The following TMEM164 variants were observed in gnomAD, a reference collection of about 807,000 sequenced individuals.
TMEM164 encodes RP13-360B22.2.
In TMEM164, 4 loss-of-function variants were observed where a neutral mutation model predicts 18.8. That is an observed-to-expected ratio of 0.21 (90% CI 0.10 to 0.49). The LOEUF (loss-of-function observed/expected upper bound fraction) is 0.49, where lower values mean the gene tolerates loss of function less well. Among genes scored for constraint, TMEM164 ranks in the 20% least tolerant of loss-of-function variants. TMEM164 has a pLI of 0.98. For missense variants in TMEM164, 108 were observed against 239.9 expected, an observed-to-expected ratio of 0.45 and a Z score of 3.63; for synonymous variants, 86 against 101.7, an observed-to-expected ratio of 0.85 and a Z score of 0.93.
chrX:110,003,627 C>G lies in TMEM164; in HGVS notation c.-148C>G. 1 of 658,319 alleles carries G rather than the reference C, an allele frequency of 1.5e-6. No individual in the cohort carries two copies. Among genetic ancestry groups the G allele is most frequent in the African/African-American group, 2.2e-5 (1 of 45,497 alleles). The allele number at this position is 658,319 out of a possible 1,213,427, so 54.3% of individuals were successfully genotyped here. The stretch of plus-strand genomic sequence containing the variant: ...TACCCCGGGCCTTGCGTGTAGCTTC[C>G]CCTCCCCTACTCTCGGTGCCCTGGT... On this transcript the variant is annotated 5_prime_UTR_variant, in exon 2 of 7. Transcript: ENST00000372068.
At chrX:110,106,618 C>T (rs1359944820) in intron 3 of TMEM164, among the ~76,000 whole-genome samples, 1 of 111,586 alleles carries the variant, frequency 9.0e-6, no homozygotes, top group East Asian at 2.8e-4. Context: ...AAGTGATCCT[C>T]CCGCCTCAGC....
At chrX:110,015,800 C>G (rs1200317869) in intron 2 of TMEM164, among the ~76,000 whole-genome samples, 1 of 112,137 alleles carries the variant, frequency 8.9e-6, no homozygotes, top group Non-Finnish European at 1.9e-5. Flanking sequence ...ATTTGGATCT[C>G]CCTTCTGCTG....
intron 3 of TMEM164, among the ~76,000 whole-genome samples, chrX:110,074,582 C>T (rs1479604875): frequency 9.0e-6 from 1 of 111,718 alleles, no homozygotes; most frequent in East Asian, 2.8e-4. Context: ...AGGATTTTTA[C>T]AGTTTGAGAG....
Position 110,003,534 on chromosome X carries a change from T to G in TMEM164, c.-241T>G. On this transcript the variant is annotated 5_prime_UTR_variant, in exon 2 of 7. Coordinates refer to ENST00000372068, the MANE Select transcript of TMEM164 (RefSeq NM_032227.4). ...ACGGCTCCTTTCAACCCTGCCTCGTTGGTGGCCACTGGAGAAGCGCGGGGG... is the reference window on the plus strand; with the variant it reads ...ACGGCTCCTTTCAACCCTGCCTCGTGGGTGGCCACTGGAGAAGCGCGGGGG... The G allele has an allele frequency of 3.0e-6, 1 of 329,254 alleles. No individual in the cohort carries two copies. The allele number at this position is 329,254 out of a possible 1,213,427, so 27.1% of individuals were successfully genotyped here.
At chrX:110,015,550 AGTGTGTGTGT>A (rs200228472) in intron 2 of TMEM164, among the ~76,000 whole-genome samples, 112 of 99,636 alleles carry the variant, frequency 1.1e-3, no homozygotes, top group African/African-American at 3.6e-3. Context: ...CAGGAACTTG[AGTGTGTGTGT>A]GTGTGTGTGT....
chrX:110,163,553 G>A (rs764465434), intron 5 of TMEM164, among the ~76,000 whole-genome samples: 40 of 112,268 alleles, frequency 3.6e-4, no homozygotes, highest in Non-Finnish European at 6.6e-4. Flanking sequence ...CACTGGCATA[G>A]ACAATTATTT....
At position 110,154,383 on chromosome X, in the gene TMEM164, G is replaced by C. The variant is rs564959175; in HGVS notation, c.586+9507G>C. Among the ~76,000 whole-genome samples the C allele has an allele frequency of 3.6e-5, 4 of 111,397 alleles. No homozygotes were observed. In the South Asian group the frequency reaches 1.5e-3, roughly 43 times the overall value. ...CCCCAGACTGCCCAAGGAGTGCATA[G>C]TACCACCAAGGTTAGGAGTCCCTTT... On this transcript the variant is annotated intron_variant, in intron 5 of 6. Transcript: ENST00000372068.
At position 110,174,369 on chromosome X, in the gene TMEM164, C is replaced by G. The variant is rs2067267349; in HGVS notation, c.*918C>G. The stretch of plus-strand genomic sequence containing the variant: ...TCTCCCTTTCCCTCTCCCCCCACCC[C>G]TCCCCCTCCCCCCTCCCTCCCTCTT... On this transcript the variant is annotated 3_prime_UTR_variant, in exon 7 of 7. Coordinates refer to ENST00000372068, the MANE Select transcript of TMEM164 (RefSeq NM_032227.4). 1.3e-5 allele frequency: 1 copy of G among 77,248 alleles called. No homozygotes were observed. Among genetic ancestry groups the G allele is most frequent in the South Asian group, 1.2e-3 (1 of 813 alleles). 6.4% of individuals were successfully genotyped at this position (77,248 alleles called of 1,213,427 possible). A position where few individuals can be genotyped will look rare whatever the true frequency, so the allele number is the denominator to read the frequency against.
chrX:110,171,439 C>T lies in TMEM164; in HGVS notation c.606C>T (p.Pro202=). 3 of 1,209,550 alleles carry T rather than the reference C, an allele frequency of 2.5e-6. No individual in the cohort carries two copies. Among genetic ancestry groups the T allele is most frequent in the Non-Finnish European group, 3.4e-6 (3 of 893,965 alleles). The part of the protein sequence containing the change: ...LWKGGAYTPE[P]LSSFRWALLS... Reference sequence around the variant, plus strand: ...CTCCAGGTGCTTACACTCCAGAGCCCCTCAGCAGTTTCCGGTGGGCTCTTC... The same window carrying T: ...CTCCAGGTGCTTACACTCCAGAGCCTCTCAGCAGTTTCCGGTGGGCTCTTC... Residue 202 remains proline, a synonymous_variant, in exon 6 of 7, where the codon CCC becomes CCT. Transcript: ENST00000372068.
intron 5 of TMEM164, among the ~76,000 whole-genome samples, chrX:110,156,071 ATTACT>A (rs1224004177): frequency 9.0e-6 from 1 of 111,600 alleles, no homozygotes; most frequent in African/African-American, 3.3e-5. Context: ...TGCCCAGCTC[ATTACT>A]TTACTTTCTG....
intron 4 of TMEM164, among the ~76,000 whole-genome samples, chrX:110,120,270 C>T (rs1027426172): frequency 9.0e-6 from 1 of 111,575 alleles, no homozygotes; most frequent in Non-Finnish European, 1.9e-5. Context: ...GAAGGAACAG[C>T]GTCTGGCAGT....
At chrX:110,044,593 C>CTT (rs56400284) in intron 2 of TMEM164, among the ~76,000 whole-genome samples, 61 of 35,954 alleles carry the variant, frequency 1.7e-3, no homozygotes, top group African/African-American at 6.5e-3. Flanking sequence ...CCATTCCTTG[C>CTT]TTTTTTTTTT....
At chrX:110,012,466 G>C (rs1477893005) in intron 2 of TMEM164, among the ~76,000 whole-genome samples, 2 of 111,984 alleles carry the variant, frequency 1.8e-5, no homozygotes, top group African/African-American at 6.5e-5. Context: ...AAAGGGCCTT[G>C]TTACCCTAAC....
At chrX:110,051,245 T>C (rs1008889092) in intron 2 of TMEM164, among the ~76,000 whole-genome samples, 11 of 112,053 alleles carry the variant, frequency 9.8e-5, no homozygotes, top group African/African-American at 3.6e-4. Context: ...TGAAATCAGC[T>C]GGAGCACTTT....
chrX:110,082,709 C>T (rs2065777490), intron 3 of TMEM164, among the ~76,000 whole-genome samples: 1 of 110,926 alleles, frequency 9.0e-6, no homozygotes, highest in African/African-American at 3.3e-5. Flanking sequence ...GTAACCAGAC[C>T]TCCCCCTCAC....
intron 5 of TMEM164, among the ~76,000 whole-genome samples, chrX:110,168,323 A>G (rs756006204): frequency 8.8e-6 from 1 of 113,224 alleles, no homozygotes; most frequent in South Asian, 3.6e-4. Context: ...GCTAGATGCT[A>G]GGAATGCAGA....
chrX:110,144,657 C>T, intron 4 of TMEM164, 141 bp from the exon 5 acceptor site: 1 of 366,817 alleles, frequency 2.7e-6, no homozygotes. Context: ...TTTTTTCCTG[C>T]AATTGTAAAG....
At chrX:110,148,502 T>G (rs1416559179) in intron 5 of TMEM164, among the ~76,000 whole-genome samples, 2 of 109,874 alleles carry the variant, frequency 1.8e-5, no homozygotes, top group Admixed American at 9.8e-5. Context: ...CTGGATATTC[T>G]TTTTCTTTCT....
chrX:110,027,629 G>A (rs1344981869), intron 2 of TMEM164, among the ~76,000 whole-genome samples: 1 of 110,209 alleles, frequency 9.1e-6, no homozygotes, highest in African/African-American at 3.3e-5. Context: ...GCGTGGTGGT[G>A]TGTACCTGTA....
Sources: allele counts gnomAD v4.1 joint callset (sites outside exome capture counted in the v4.1 genomes callset), GRCh38; gene constraint gnomAD v4.1.1; transcripts MANE v1.5; gene names NCBI Gene and HGNC (gene_info 2026-07-23, HGNC 2026-07-21).